Variants in NUP133 observed in about 807,000 individuals in gnomAD.
NUP133 encodes nucleoporin 133.
In NUP133, 66 loss-of-function variants were observed where a neutral mutation model predicts 146.2. The observed-to-expected ratio is 0.45, with a 90% confidence interval of 0.37 to 0.55. The LOEUF (loss-of-function observed/expected upper bound fraction) is 0.55, where lower values mean the gene tolerates loss of function less well. Among genes scored for constraint, NUP133 ranks in the 20% least tolerant of loss-of-function variants. The probability of loss-of-function intolerance (pLI) is 0.00; values close to 1 mark genes in which losing one functional copy is unlikely to be tolerated. For synonymous variants in NUP133, 521 were observed against 498.8 expected (o/e 1.04, Z -0.59); for missense variants, 1,277 against 1,374.8 (o/e 0.93, Z 1.12).
At chr1:229,473,845 G>A (rs1233638620) in intron 14 of NUP133, among the ~76,000 whole-genome samples, 1 of 152,168 alleles carries the variant, frequency 6.6e-6, no homozygotes, top group African/African-American at 2.4e-5. Flanking sequence ...AATCACTTGA[G>A]CCCAGGAGGC....
chr1:229,477,023 A>G (rs1402753644), intron 13 of NUP133, among the ~76,000 whole-genome samples: 1 of 152,070 alleles, frequency 6.6e-6, no homozygotes, highest in Non-Finnish European at 1.5e-5. Context: ...AATAAAAGCC[A>G]GGAAAGCTAA....
At chr1:229,499,502 T>C (rs1661744136) in intron 5 of NUP133, among the ~76,000 whole-genome samples, 182 bp downstream of exon 5, 2 of 152,198 alleles carry the variant, frequency 1.3e-5, no homozygotes, top group Admixed American at 6.5e-5. Flanking sequence ...GTGCAGTGGC[T>C]CATGCTTGTA....
chr1:229,449,344 C>T (rs377596972), intron 23 of NUP133, among the ~76,000 whole-genome samples, 154 bp from the exon 24 acceptor site: 133 of 151,848 alleles, frequency 8.8e-4, no homozygotes, highest in African/African-American at 3.0e-3. Context: ...ATTTTATCAG[C>T]AACCTTGAGA....
At chr1:229,448,584 G>T (rs796139869) in intron 24 of NUP133, among the ~76,000 whole-genome samples, 17 of 152,226 alleles carry the variant, frequency 1.1e-4, no homozygotes, top group African/African-American at 3.4e-4. Flanking sequence ...AGCAGCCCAC[G>T]CCGCTGCTCT....
At chr1:229,501,977 C>T (rs772498422) in intron 3 of NUP133, 22 bp downstream of exon 3, 1 of 1,528,086 alleles carries the variant, frequency 6.5e-7, no homozygotes. Flanking sequence ...TATCTTGTTC[C>T]AGCTCTCTAA....
intron 21 of NUP133, among the ~76,000 whole-genome samples, chr1:229,454,929 C>A (rs1660528020): frequency 6.6e-6 from 1 of 152,126 alleles, no homozygotes; most frequent in Admixed American, 6.6e-5. Context: ...GGGGCTAATA[C>A]CTATAATTTA....
chr1:229,499,561 G>A lies in NUP133; in HGVS notation c.648+123C>T, dbSNP rs1381269933. ...AGCAGGAGTTATTGCTTGAGCCCAG[G>A]AGTTTGAGAATTGCCTGGGCAACAT... On this transcript the variant is annotated intron_variant, in intron 5 of 25. Coordinates refer to ENST00000261396, the MANE Select transcript of NUP133 (RefSeq NM_018230.3). 14 of 1,023,402 alleles carry A rather than the reference G, an allele frequency of 1.4e-5. No homozygotes were observed. In the Admixed American group the frequency reaches 3.4e-4, roughly 25 times the overall value. The allele number at this position is 1,023,402 out of a possible 1,614,324, so 63.4% of individuals were successfully genotyped here. A position where few individuals can be genotyped will look rare whatever the true frequency, so the allele number is the denominator to read the frequency against.
chr1:229,455,748 A>G lies in NUP133; in HGVS notation c.2980+2413T>C, dbSNP rs188977895. Among the ~76,000 whole-genome samples, 890 of 152,228 alleles carry G rather than the reference A, an allele frequency of 5.8e-3. 47 individuals carry two copies. The highest frequency in any genetic ancestry group is 0.053 in the Admixed American group (811 of 15,280). ...ATATGAAGGTTGCAGACATCATGAC[A>G]TTTCATTTCTAAATACTCAGCATGT... On this transcript the variant is annotated intron_variant, in intron 21 of 25. Transcript: ENST00000261396.
In NUP133 at chr1:229,442,017, G is replaced by A. The variant is rs549704504; in HGVS notation, c.3358C>T (p.Pro1120Ser). The change falls in exon 26 of 26, where the codon CCG (proline) becomes TCG (serine). Residue 1120 changes from proline to serine, a missense_variant. Coordinates refer to ENST00000261396, the MANE Select transcript of NUP133 (RefSeq NM_018230.3). Reference sequence around the variant, plus strand: ...GCTTGTAGCAGGTCTTTCACCTCCGGTAAGTACTCACTGAGCTGAATGCCT... The same window carrying A: ...GCTTGTAGCAGGTCTTTCACCTCCGATAAGTACTCACTGAGCTGAATGCCT... ...KDGIQLSEYL[P>S]EVKDLLQADQ... is the part of the protein sequence containing the mutation. 1 of 1,575,146 alleles carries A rather than the reference G, an allele frequency of 6.3e-7. No individual in the cohort carries two copies. Among genetic ancestry groups the A allele is most frequent in the African/African-American group, 1.4e-5 (1 of 72,236 alleles).
At chr1:229,443,519 T>TA (rs1660230858) in intron 25 of NUP133, among the ~76,000 whole-genome samples, 1 of 152,174 alleles carries the variant, frequency 6.6e-6, no homozygotes, top group Non-Finnish European at 1.5e-5. Flanking sequence ...ATGCACAGGC[T>TA]GAAGTAGCTG....
intron 11 of NUP133, among the ~76,000 whole-genome samples, chr1:229,485,578 GA>G (rs1161905780): frequency 4.6e-5 from 7 of 152,008 alleles, no homozygotes; most frequent in Admixed American, 1.3e-4. Context: ...TCATTACAAT[GA>G]AAAAAATTTA....
chr1:229,481,616 T>G (rs1454874861), intron 12 of NUP133, among the ~76,000 whole-genome samples: 1 of 151,452 alleles, frequency 6.6e-6, no homozygotes, highest in Non-Finnish European at 1.5e-5. Flanking sequence ...GAAGAATTGC[T>G]TGAACCAGGG....
At chr1:229,498,506 A>C (rs556782389) in intron 5 of NUP133, among the ~76,000 whole-genome samples, 200 bp from the exon 6 acceptor site, 15 of 152,220 alleles carry the variant, frequency 9.9e-5, no homozygotes, top group Admixed American at 6.5e-4. Flanking sequence ...AAAAACTCTC[A>C]TAAGAAAAAA....
chr1:229,488,677 CA>C (rs377154071), intron 9 of NUP133, among the ~76,000 whole-genome samples: 535 of 132,132 alleles, frequency 4.0e-3, no homozygotes, highest in Non-Finnish European at 4.2e-3. Flanking sequence ...GAGTAAGGAT[CA>C]AAAAAAAAAA....
chr1:229,474,306 G>A (rs1661024483), intron 14 of NUP133, among the ~76,000 whole-genome samples: 1 of 152,116 alleles, frequency 6.6e-6, no homozygotes, highest in African/African-American at 2.4e-5. Context: ...GTTTTGGGGT[G>A]GTTTATATGG....
chr1:229,499,912 T>C, intron 4 of NUP133, 94 bp from the exon 5 acceptor site: 1 of 1,409,418 alleles, frequency 7.1e-7, no homozygotes. Flanking sequence ...ACAGGACAAT[T>C]TACTATTTGA....
chr1:229,477,887 T>C, intron 12 of NUP133, 127 bp from the exon 13 acceptor site: 1 of 650,900 alleles, frequency 1.5e-6, no homozygotes, highest in South Asian at 2.4e-5. Flanking sequence ...TTCGCAACAG[T>C]AGGGATGGAA....
At chr1:229,479,097 A>G (rs1368228471) in intron 12 of NUP133, among the ~76,000 whole-genome samples, 3 of 152,086 alleles carry the variant, frequency 2.0e-5, no homozygotes, top group Non-Finnish European at 2.9e-5. Context: ...GACCAACCAC[A>G]CTCACATATT....
chr1:229,492,126 G>A (rs533589546), intron 8 of NUP133, among the ~76,000 whole-genome samples: 11 of 145,850 alleles, frequency 7.5e-5, no homozygotes, highest in Non-Finnish European at 1.5e-4. Flanking sequence ...TTTTTTTTGA[G>A]GCGGAGTTTC....
Sources: allele counts gnomAD v4.1 joint callset (sites outside exome capture counted in the v4.1 genomes callset), GRCh38; gene constraint gnomAD v4.1.1; transcripts MANE v1.5; gene names NCBI Gene and HGNC (gene_info 2026-07-23, HGNC 2026-07-21).